MAP4: variants seen among roughly 807,000 people sequenced by gnomAD.
MAP4 encodes the protein microtubule associated protein 4.
In MAP4, 76 loss-of-function variants were observed where a neutral mutation model predicts 170.2. That is an observed-to-expected ratio of 0.45 (90% confidence interval 0.37 to 0.54). The LOEUF is 0.54. MAP4 is among the 20% of genes least tolerant of loss of function. MAP4 has a pLI of 0.00. For missense variants in MAP4, 2,506 were observed against 2,748.0 expected, an observed-to-expected ratio of 0.91 and a Z score of 1.97; for synonymous variants, 909 against 994.5, an observed-to-expected ratio of 0.91 and a Z score of 1.62.
intron 2 of MAP4, among the ~76,000 whole-genome samples, chr3:47,981,391 AAAAT>A (rs568109418): frequency 6.6e-6 from 1 of 151,812 alleles, no homozygotes; most frequent in Non-Finnish European, 1.5e-5. Flanking sequence ...CCCATCTCTA[AAAAT>A]AAATAAATAA....
intron 2 of MAP4, among the ~76,000 whole-genome samples, chr3:47,987,931 A>C (rs2100089769): frequency 6.6e-6 from 1 of 152,192 alleles, no homozygotes; most frequent in Admixed American, 6.5e-5. Flanking sequence ...ACGGTGGCTC[A>C]CGCCTGTAAT....
rs1559866282 is a variant in MAP4 at position 47,877,403 on chromosome 3, AT to A, written c.5541+13del. 1.5e-5 allele frequency: 24 copies of A among 1,598,120 alleles called. No individual in the cohort carries two copies. The highest frequency in any genetic ancestry group is 2.1e-5 in the Non-Finnish European group (24 of 1,165,554). ...ATTATGGCAGTAGAAGATAACCACC[AT>A]TCTGGCACCTACCTTTGTTTTCTTC... On this transcript the variant is annotated intron_variant, in intron 11 of 20. Transcript: ENST00000683076.
In MAP4 at chr3:47,955,435, TACACACACACACACAC is replaced by T. The variant is rs3079351; in HGVS notation, c.292+22414_292+22429del. Among the ~76,000 whole-genome samples, 1,090 of 135,488 alleles carry T rather than the reference TACACACACACACACAC, an allele frequency of 8.0e-3. 11 individuals carry two copies. Among genetic ancestry groups the T allele is most frequent in the African/African-American group, 0.029 (1,047 of 36,358 alleles). The allele number at this position is 135,488 out of a possible 152,430, so 88.9% of individuals were successfully genotyped here. Reference sequence around the variant, plus strand: ...CCAAAAAAATAAATAAATAAGCACGTACACACACACACACACACACACACACACACACACACACACA... The same window carrying T: ...CCAAAAAAATAAATAAATAAGCACGTACACACACACACACACACACACACA... On this transcript the variant is annotated intron_variant, in intron 3 of 20. Coordinates refer to ENST00000683076, the MANE Select transcript of MAP4 (RefSeq NM_001385682.1).
chr3:47,854,610 G>T (rs560729156), intron 19 of MAP4, among the ~76,000 whole-genome samples: 24 of 152,344 alleles, frequency 1.6e-4, no homozygotes, highest in Non-Finnish European at 2.6e-4. Flanking sequence ...CACACAAAAG[G>T]TCTCACAGTA....
chr3:47,902,833 A>G (rs1227425723), intron 10 of MAP4, 117 bp downstream of exon 10: 1 of 279,380 alleles, frequency 3.6e-6, no homozygotes, highest in East Asian at 1.7e-4. Flanking sequence ...AAGTTCTAAG[A>G]TAACAAATGG....
chr3:47,967,844 T>A (rs1198002103), intron 3 of MAP4, among the ~76,000 whole-genome samples: 1 of 152,060 alleles, frequency 6.6e-6, no homozygotes, highest in East Asian at 1.9e-4. Context: ...GCACCTGTAG[T>A]CCTAGCTACT....
At chr3:47,962,301 C>T (rs1199151349) in intron 3 of MAP4, among the ~76,000 whole-genome samples, 1 of 152,184 alleles carries the variant, frequency 6.6e-6, no homozygotes, top group Non-Finnish European at 1.5e-5. Context: ...AAATTCTTTC[C>T]TGGCAAAGCC....
At chr3:48,011,551 T>C (rs1234609548) in intron 1 of MAP4, among the ~76,000 whole-genome samples, 2 of 141,030 alleles carry the variant, frequency 1.4e-5, no homozygotes, top group Non-Finnish European at 3.1e-5. Flanking sequence ...AGACTCCGTC[T>C]CAAAAAAAAA....
rs543354796 is a variant in MAP4 at position 47,887,453 on chromosome 3, C to T, written c.5435-9930G>A. 8.5e-5 allele frequency among the ~76,000 whole-genome samples: 13 copies of T among 152,370 alleles called. No individual in the cohort carries two copies. The South Asian group carries it at 1.7e-3, about 19-fold the overall frequency. On this transcript the variant is annotated intron_variant, in intron 10 of 20. Transcript: ENST00000683076. ...TTAGCTGCTTTCCCGCGGGGCAGGG[C>T]TCGGGACCTGCAGCCCGCCATGCCT...
Position 47,916,522 on chromosome 3 carries a change from C to G in MAP4, c.1305G>C (p.Lys435Asn). 1 of 1,613,976 alleles carries G rather than the reference C, an allele frequency of 6.2e-7. No homozygotes were observed. The highest frequency in any genetic ancestry group is 8.5e-7 in the Non-Finnish European group (1 of 1,179,928). Residue 435 changes from lysine to asparagine, a missense_variant, in exon 7 of 21, where the codon AAG becomes AAC. Transcript: ENST00000683076. ...CCTCTGTTTCTGAGGACAAAGCCAC[C>G]TTCTCAGCAGAGGATATTTCTGTGG... ...ISSTEISSAEKVALSSETEVA... is the reference protein window; with the variant it reads ...ISSTEISSAENVALSSETEVA...
intron 10 of MAP4, among the ~76,000 whole-genome samples, chr3:47,880,493 A>C (rs2096541045): frequency 7.5e-6 from 1 of 133,476 alleles, no homozygotes; most frequent in Non-Finnish European, 1.6e-5. Flanking sequence ...TTTTTAAGAG[A>C]TGAAGTCTGT....
intron 3 of MAP4, among the ~76,000 whole-genome samples, chr3:47,955,058 A>G (rs2100066845): frequency 6.6e-6 from 1 of 152,216 alleles, no homozygotes. Context: ...GAAACAGGGT[A>G]GTGATACCTA....
At chr3:47,973,694 CT>C (rs2100080192) in intron 3 of MAP4, 1 of 985,286 alleles carries the variant, frequency 1.0e-6, no homozygotes, top group African/African-American at 1.7e-5. Context: ...CCACCCATAA[CT>C]TAGACAGCTA....
At chr3:47,854,892 G>A (rs915687804) in intron 19 of MAP4, among the ~76,000 whole-genome samples, 4 of 152,232 alleles carry the variant, frequency 2.6e-5, no homozygotes, top group African/African-American at 4.8e-5. Context: ...CCCTTGGCGC[G>A]AGACAGCTGG....
At chr3:47,925,092 G>A (rs1347015745) in intron 4 of MAP4, among the ~76,000 whole-genome samples, 1 of 152,188 alleles carries the variant, frequency 6.6e-6, no homozygotes, top group African/African-American at 2.4e-5. Context: ...TTACAGGCGT[G>A]AGCCACCGTG....
At chr3:47,892,110 C>A (rs533650121) in intron 10 of MAP4, 1 of 1,536,126 alleles carries the variant, frequency 6.5e-7, no homozygotes. Context: ...AGATGGAACT[C>A]GGAGGTCTTC....
intron 3 of MAP4, among the ~76,000 whole-genome samples, chr3:47,950,561 A>G (rs887042008): frequency 2.6e-5 from 4 of 152,086 alleles, no homozygotes; most frequent in African/African-American, 9.7e-5. Context: ...CTGAAATTTT[A>G]GACTCGAGTA....
chr3:48,087,613 CCT>C (rs1332869589), intron 1 of MAP4, among the ~76,000 whole-genome samples: 5 of 152,256 alleles, frequency 3.3e-5, no homozygotes, highest in African/African-American at 9.6e-5. Context: ...ACAAATATCC[CCT>C]GATGCAATGC....
chr3:48,071,152 A>G (rs2100140812), intron 1 of MAP4, among the ~76,000 whole-genome samples: 1 of 152,204 alleles, frequency 6.6e-6, no homozygotes, highest in Non-Finnish European at 1.5e-5. Flanking sequence ...TGGGTCAGAT[A>G]CTGCCCTTTA....
Sources: gnomAD v4.1 joint callset for allele counts (sites outside exome capture counted in the v4.1 genomes callset) on GRCh38, gnomAD v4.1.1 for gene constraint, MANE v1.5 for transcripts, NCBI Gene and HGNC (gene_info 2026-07-23, HGNC 2026-07-21) for gene names.